Variants in PALM2AKAP2 observed in about 807,000 individuals in gnomAD.
The protein encoded by PALM2AKAP2 is PALM2-AKAP2 fusion protein.
PALM2AKAP2 carries 37 observed loss-of-function variants against 71.5 expected under a neutral mutation model. The ratio of observed to expected loss-of-function variants is 0.52; its 90% CI spans 0.40 to 0.68. The LOEUF (loss-of-function observed/expected upper bound fraction) is 0.68. Among genes scored for constraint, PALM2AKAP2 ranks in the 30% least tolerant of loss-of-function variants. The pLI is 0.00. For missense variants in PALM2AKAP2, 1,224 were observed against 1,191.8 expected, an observed-to-expected ratio of 1.03 and a Z score of -0.40; for synonymous variants, 468 against 478.8, an observed-to-expected ratio of 0.98 and a Z score of 0.29.
intron 1 of PALM2AKAP2, among the ~76,000 whole-genome samples, chr9:109,796,434 T>C (rs942682887): frequency 1.3e-5 from 2 of 152,228 alleles, no homozygotes; most frequent in African/African-American, 4.8e-5. Flanking sequence ...TTGCAAATTA[T>C]TGGTGAATGT....
intron 2 of PALM2AKAP2, among the ~76,000 whole-genome samples, chr9:110,152,442 A>G (rs1489390147): frequency 6.6e-6 from 1 of 152,166 alleles, no homozygotes; most frequent in African/African-American, 2.4e-5. Context: ...TGAGATGCAC[A>G]CTGGATCAGT....
chr9:109,867,652 C>A, intron 2 of PALM2AKAP2, 81 bp downstream of exon 2: 3 of 1,474,954 alleles, frequency 2.0e-6, no homozygotes, highest in Non-Finnish European at 2.7e-6. Context: ...GCCTGCCCTG[C>A]CGTGAAGGCG....
chr9:109,828,551 C>T (rs981319356), intron 1 of PALM2AKAP2, among the ~76,000 whole-genome samples: 1 of 152,152 alleles, frequency 6.6e-6, no homozygotes, highest in African/African-American at 2.4e-5. Flanking sequence ...GTGCTTCCTG[C>T]CCATCTGCTC....
At chr9:109,701,996 A>G (rs1247581568) in intron 1 of PALM2AKAP2, among the ~76,000 whole-genome samples, 2 of 152,258 alleles carry the variant, frequency 1.3e-5, no homozygotes, top group Non-Finnish European at 2.9e-5. Flanking sequence ...AAAAATGCTC[A>G]TCATCACTGG....
At chr9:109,690,113 T>TG (rs1438432688) in intron 1 of PALM2AKAP2, among the ~76,000 whole-genome samples, 2 of 152,150 alleles carry the variant, frequency 1.3e-5, no homozygotes, top group African/African-American at 4.8e-5. Context: ...TCAGCAGGGC[T>TG]GTCCCATTCC....
Position 110,110,542 on chromosome 9 carries a change from C to CTTTTTT in PALM2AKAP2, c.157-25566_157-25561dup, listed in dbSNP as rs559402514. Among the ~76,000 whole-genome samples, 38 of 95,350 alleles carry CTTTTTT rather than the reference C, an allele frequency of 4.0e-4. 1 individual carries two copies. The highest frequency in any genetic ancestry group is 6.1e-4 in the East Asian group (2 of 3,276). The allele number at this position is 95,350 out of a possible 152,430, so 62.6% of individuals were successfully genotyped here. A position where few individuals can be genotyped will look rare whatever the true frequency, so the allele number is the denominator to read the frequency against. ...TATGGTGCATTCATGTTTCTGAACT[C>CTTTTTT]TTTTTTTTTTTTTTTTTTTTTTTTG... On this transcript the variant is annotated intron_variant, in intron 1 of 3. Transcript: ENST00000374525.
At chr9:109,792,516 G>A (rs1182662603) in intron 1 of PALM2AKAP2, among the ~76,000 whole-genome samples, 1 of 152,092 alleles carries the variant, frequency 6.6e-6, no homozygotes, top group Non-Finnish European at 1.5e-5. Context: ...CAACAGAACA[G>A]TTCCATCACC....
chr9:110,137,795 G>C, exon 2 of PALM2AKAP2: 1 of 1,614,132 alleles, frequency 6.2e-7, no homozygotes, highest in Non-Finnish European at 8.5e-7. Flanking sequence ...TTCACTGGCT[G>C]ATTTTTCTCT....
chr9:109,899,539 C>G (rs993967635), intron 3 of PALM2AKAP2, among the ~76,000 whole-genome samples: 4 of 151,318 alleles, frequency 2.6e-5, no homozygotes, highest in Non-Finnish European at 5.9e-5. Context: ...GATGATGCTA[C>G]TCTCCAGCTT....
chr9:109,986,650 G>A (rs1781943990), intron 6 of PALM2AKAP2, among the ~76,000 whole-genome samples: 1 of 152,190 alleles, frequency 6.6e-6, no homozygotes, highest in South Asian at 2.1e-4. Context: ...AATTCATTGT[G>A]TAAGAAATAT....
chr9:109,858,953 T>C (rs1422378730), intron 1 of PALM2AKAP2, among the ~76,000 whole-genome samples: 1 of 152,110 alleles, frequency 6.6e-6, no homozygotes, highest in Non-Finnish European at 1.5e-5. Flanking sequence ...AAAAACAGAC[T>C]TAAGATATAA....
chr9:109,674,912 C>G (rs1827627553), intron 1 of PALM2AKAP2, among the ~76,000 whole-genome samples: 1 of 151,996 alleles, frequency 6.6e-6, no homozygotes, highest in Admixed American at 6.6e-5. Context: ...AAAAGCAATA[C>G]TCTTTCAGTA....
intron 1 of PALM2AKAP2, among the ~76,000 whole-genome samples, chr9:110,064,047 C>T (rs1453267364): frequency 2.0e-5 from 3 of 152,136 alleles, no homozygotes; most frequent in African/African-American, 4.8e-5. Flanking sequence ...TAGGAGCTTC[C>T]ACGGACCAAA....
rs1348181355 is a variant in PALM2AKAP2, at chr9:110,146,646, G to C, written c.2569+8107G>C. Among the ~76,000 whole-genome samples, 10 of 152,270 alleles carry C rather than the reference G, an allele frequency of 6.6e-5. No individual in the cohort carries two copies. The East Asian group carries it at 1.7e-3, about 26-fold the overall frequency. ...GCAGGATGTCCTCTGTGACTGCTGGGGTTCAGGGCAGAATATGACTGTGTC... is the reference window on the plus strand; with the variant it reads ...GCAGGATGTCCTCTGTGACTGCTGGCGTTCAGGGCAGAATATGACTGTGTC... On this transcript the variant is annotated intron_variant, in intron 2 of 3. Coordinates refer to ENST00000374525, the Ensembl canonical transcript of PALM2AKAP2.
chr9:110,167,881 G>T (rs576366021), intron 3 of PALM2AKAP2, among the ~76,000 whole-genome samples: 6 of 152,012 alleles, frequency 3.9e-5, no homozygotes, highest in African/African-American at 1.4e-4. Context: ...TGTCTAATAT[G>T]GTAATCACTA....
chr9:109,736,278 A>C (rs1481787533), intron 1 of PALM2AKAP2, among the ~76,000 whole-genome samples: 1 of 151,640 alleles, frequency 6.6e-6, no homozygotes, highest in Non-Finnish European at 1.5e-5. Context: ...ATAAACACAC[A>C]CTATAAAAGT....
At chr9:110,031,535 G>C (rs1833277477) in intron 7 of PALM2AKAP2, among the ~76,000 whole-genome samples, 1 of 152,180 alleles carries the variant, frequency 6.6e-6, no homozygotes, top group African/African-American at 2.4e-5. Context: ...CTTCCCATGT[G>C]TCAGGTAGTG....
At chr9:110,064,771 A>G (rs1161990352) in intron 1 of PALM2AKAP2, among the ~76,000 whole-genome samples, 5 of 152,124 alleles carry the variant, frequency 3.3e-5, no homozygotes, top group African/African-American at 1.2e-4. Flanking sequence ...CAAGGTGGAA[A>G]CGACCCCTCA....
At chr9:109,841,872 G>T in intron 1 of PALM2AKAP2, among the ~76,000 whole-genome samples, 1 of 112,702 alleles carries the variant, frequency 8.9e-6, no homozygotes, top group South Asian at 3.8e-4. Flanking sequence ...GGGGATGGAG[G>T]GGAGGGTAGA....
Sources: allele counts gnomAD v4.1 joint callset (sites outside exome capture counted in the v4.1 genomes callset), GRCh38; gene constraint gnomAD v4.1.1; transcripts MANE v1.5; gene names NCBI Gene and HGNC (gene_info 2026-07-23, HGNC 2026-07-21).